UGT2A2: variants seen among roughly 807,000 people sequenced by gnomAD.
UGT2A2 encodes UDP-glucuronosyltransferase 2A2.
UGT2A2 carries 60 observed loss-of-function variants against 50.7 expected under a neutral mutation model. The ratio of observed to expected loss-of-function variants is 1.18; its 90% CI spans 0.96 to 1.47. The LOEUF (loss-of-function observed/expected upper bound fraction) is 1.47. Among genes scored for constraint, UGT2A2 ranks in the 40% most tolerant of loss-of-function variants. The pLI is 0.00. For synonymous variants in UGT2A2, 242 were observed against 214.6 expected, an observed-to-expected ratio of 1.13 and a Z score of -1.11; for missense variants, 762 against 634.0, an observed-to-expected ratio of 1.20 and a Z score of -2.17.
chr4:69,599,894 A>AT (rs1214182418), intron 1 of UGT2A2: 1 of 152,778 alleles, frequency 6.5e-6, no homozygotes, highest in Non-Finnish European at 1.5e-5. Context: ...TTAAACATTC[A>AT]TTTTCTCTCT....
intron 1 of UGT2A2, among the ~76,000 whole-genome samples, chr4:69,626,952 C>T (rs1721094352): frequency 6.6e-6 from 1 of 151,708 alleles, no homozygotes; most frequent in Non-Finnish European, 1.5e-5. Flanking sequence ...GGTTTAGACT[C>T]GACTTCTGTT....
intron 1 of UGT2A2, among the ~76,000 whole-genome samples, chr4:69,618,667 C>T (rs1720557823): frequency 6.6e-6 from 1 of 151,924 alleles, no homozygotes. Context: ...TTTTCAGATT[C>T]AACTTTGGTT....
At chr4:69,632,885 C>CA (rs199639033) in intron 1 of UGT2A2, among the ~76,000 whole-genome samples, 4,446 of 87,486 alleles carry the variant, frequency 0.051, 213 homozygotes, top group East Asian at 0.3. Context: ...AAGACTCGGT[C>CA]AAAAAAAAAA....
At chr4:69,606,846 C>T (rs1297902419) in intron 1 of UGT2A2, among the ~76,000 whole-genome samples, 2 of 136,136 alleles carry the variant, frequency 1.5e-5, no homozygotes, top group African/African-American at 3.0e-5. Context: ...AATAAAATAC[C>T]TAGGAATCCA....
At chr4:69,616,646 G>A (rs1414363943) in intron 1 of UGT2A2, among the ~76,000 whole-genome samples, 1 of 151,848 alleles carries the variant, frequency 6.6e-6, no homozygotes, top group Admixed American at 6.6e-5. Context: ...ATTAATTTGA[G>A]AGAAATGAAG....
intron 1 of UGT2A2, among the ~76,000 whole-genome samples, chr4:69,602,362 A>G (rs1192066369): frequency 7.3e-6 from 1 of 137,634 alleles, no homozygotes; most frequent in Non-Finnish European, 1.6e-5. Context: ...ATCAAGACGA[A>G]AAAAAGTCAG....
At chr4:69,595,338 C>CCGGGCGCGGTGGCTCACGCCTG in intron 3 of UGT2A2, 89 bp from the exon 4 acceptor site, 1 of 1,475,138 alleles carries the variant, frequency 6.8e-7, no homozygotes, top group Non-Finnish European at 9.3e-7. Context: ...ATTTAGCCAG[C>CCGGGCGCGGTGGCTCACGCCTG]TACTTGGAAG....
intron 1 of UGT2A2, among the ~76,000 whole-genome samples, chr4:69,612,307 C>G (rs866444099): frequency 6.6e-6 from 1 of 151,948 alleles, no homozygotes; most frequent in Non-Finnish European, 1.5e-5. Flanking sequence ...AAATCAGTAT[C>G]GTTAAAATGG....
intron 1 of UGT2A2, among the ~76,000 whole-genome samples, chr4:69,627,379 C>T (rs1298836978): frequency 6.6e-6 from 1 of 151,606 alleles, no homozygotes; most frequent in African/African-American, 2.4e-5. Flanking sequence ...TACATTACTA[C>T]ATAATAGATT....
At chr4:69,611,298 C>CTTTTTTTTTTTTTTTTTTTTTTTTTTTT (rs1287210111) in intron 1 of UGT2A2, among the ~76,000 whole-genome samples, 2 of 149,520 alleles carry the variant, frequency 1.3e-5, no homozygotes, top group African/African-American at 5.0e-5. Context: ...TCCAGCTATT[C>CTTTTTTTTTTTTTTTTTTTTTTTTTTTT]TTAATGCTAT....
At chr4:69,613,023 A>C (rs1720161368) in intron 1 of UGT2A2, among the ~76,000 whole-genome samples, 1 of 149,370 alleles carries the variant, frequency 6.7e-6, no homozygotes, top group African/African-American at 2.5e-5. Flanking sequence ...AAATTTAAAC[A>C]GGTCAACAAG....
rs199765285 is a variant in UGT2A2, at chr4:69,589,548, C to T, written c.1435G>A (p.Gly479Arg). ...GCTGCAACCCGAAGGTGCTTGGCTC[C>T]TTTGTGGCGCATGACAAACTCGATC... ...FWIEFVMRHK[G>R]AKHLRVAAHD... is the part of the protein sequence containing the mutation. The change falls in exon 6 of 6, where the codon GGA (glycine) becomes AGA (arginine). Residue 479 changes from glycine (G) to arginine (R), a missense_variant. By Grantham distance (125) the Gly-to-Arg change is moderately radical. Coordinates refer to ENST00000604629, the MANE Select transcript of UGT2A2 (RefSeq NM_001105677.2). 2.1e-5 allele frequency: 34 copies of T among 1,613,944 alleles called. No homozygotes were observed. The highest frequency in any genetic ancestry group is 2.6e-5 in the Non-Finnish European group (31 of 1,179,974).
At chr4:69,636,647 T>C (rs891108821) in intron 1 of UGT2A2, among the ~76,000 whole-genome samples, 3 of 152,140 alleles carry the variant, frequency 2.0e-5, no homozygotes, top group African/African-American at 7.2e-5. Flanking sequence ...CCAGAAACCA[T>C]TTATTTTTTG....
rs902176881 is a variant in UGT2A2 at position 69,638,917 on chromosome 4, A to G, written c.724T>C (p.Tyr242His). The change falls in exon 1 of 6, where the codon TAC (tyrosine) becomes CAC (histidine). Residue 242 changes from tyrosine (Y) to histidine (H), a missense_variant. Coordinates refer to ENST00000604629, the MANE Select transcript of UGT2A2 (RefSeq NM_001105677.2). Reference sequence around the variant, plus strand: ...GACTTACCTAAAATTTTGCTATAGTATGAATTCCATTCTCCCCAGTAGGAC... The same window carrying G: ...GACTTACCTAAAATTTTGCTATAGTGTGAATTCCATTCTCCCCAGTAGGAC... ...FQSYWGEWNS[Y>H]YSKILGRPTT... is the part of the protein sequence containing the mutation. 17 of 1,599,758 alleles carry G rather than the reference A, an allele frequency of 1.1e-5. No individual in the cohort carries two copies. The highest frequency in any genetic ancestry group is 1.4e-5 in the Non-Finnish European group (16 of 1,172,506).
At chr4:69,612,004 T>A (rs1358319928) in intron 1 of UGT2A2, among the ~76,000 whole-genome samples, 1 of 151,982 alleles carries the variant, frequency 6.6e-6, no homozygotes, top group Non-Finnish European at 1.5e-5. Flanking sequence ...AAAAATATAT[T>A]CTCTCAGAAT....
intron 1 of UGT2A2, among the ~76,000 whole-genome samples, chr4:69,601,446 C>A (rs1281441074): frequency 6.6e-6 from 1 of 152,160 alleles, no homozygotes; most frequent in East Asian, 1.9e-4. Context: ...TCTACCACTA[C>A]AATTGGAGCT....
rs67338504 is a variant in UGT2A2, at chr4:69,593,980, TG to T, written c.1331+496del. Among the ~76,000 whole-genome samples, 585 of 147,152 alleles carry T rather than the reference TG, an allele frequency of 4.0e-3. 33 individuals carry two copies. The highest frequency in any genetic ancestry group is 9.0e-3 in the African/African-American group (357 of 39,838). ...AATATTTGAAGTCTTTTTTTTTGTTTGTTTTTTTTTTTGAGACTGAGTCTTG... is the reference window on the plus strand; with the variant it reads ...AATATTTGAAGTCTTTTTTTTTGTTTTTTTTTTTTTTGAGACTGAGTCTTG... On this transcript the variant is annotated intron_variant, in intron 5 of 5. Coordinates refer to ENST00000604629, the MANE Select transcript of UGT2A2 (RefSeq NM_001105677.2).
rs1719401626 is a variant in UGT2A2 at position 69,603,236 on chromosome 4, A to G, written c.743-3842T>C. Among the ~76,000 whole-genome samples, 2 of 136,866 alleles carry G rather than the reference A, an allele frequency of 1.5e-5. 1 individual carries two copies. Among genetic ancestry groups the G allele is most frequent in the Admixed American group, 1.4e-4 (2 of 13,894 alleles). 89.8% of individuals were successfully genotyped at this position (136,866 alleles called of 152,430 possible). On this transcript the variant is annotated intron_variant, in intron 1 of 5. Transcript: ENST00000604629. ...GGAACTCCAGATGAAGAGATACAAG[A>G]GGAAGGAATATTATTTTACCAGATA...
intron 1 of UGT2A2, among the ~76,000 whole-genome samples, chr4:69,616,835 T>TTC (rs1553905494): frequency 4.5e-5 from 3 of 67,032 alleles, no homozygotes; most frequent in Non-Finnish European, 6.7e-5. Context: ...TTTCTTTTCT[T>TTC]TTTTTTTTTT....
Sources: allele counts gnomAD v4.1 joint callset (sites outside exome capture counted in the v4.1 genomes callset), GRCh38; gene constraint gnomAD v4.1.1; transcripts MANE v1.5; gene names NCBI Gene and HGNC (gene_info 2026-07-23, HGNC 2026-07-21).